DCAF12L1: variants seen among roughly 807,000 people sequenced by gnomAD.
The protein encoded by DCAF12L1 is DDB1- and CUL4-associated factor 12-like protein 1.
For synonymous variants in DCAF12L1, 218 were observed against 196.4 expected, an observed-to-expected ratio of 1.11 and a Z score of -0.92; for missense variants, 251 against 409.2, an observed-to-expected ratio of 0.61 and a Z score of 3.34.
Position 126,551,054 on chromosome X carries a change from G to A in DCAF12L1, c.*76C>T, listed in dbSNP as rs1257886131. The A allele has an allele frequency of 1.8e-6, 1 of 564,495 alleles. No individual in the cohort carries two copies. Among genetic ancestry groups the A allele is most frequent in the Non-Finnish European group, 2.6e-6 (1 of 380,574 alleles). 46.5% of individuals were successfully genotyped at this position (564,495 alleles called of 1,213,427 possible). ...AAAGCCAAGTTTTCATTGACCAAAG[G>A]ACCACTCACTCTCTCTGCTTGGAGG... is the stretch of plus-strand genomic sequence containing the variant. On this transcript the variant is annotated 3_prime_UTR_variant, in exon 2 of 2. Coordinates refer to ENST00000371126, the MANE Select transcript of DCAF12L1 (RefSeq NM_178470.5).
chrX:126,551,184 AATCTGTGTACCTG>A lies in DCAF12L1; in HGVS notation c.*20_*22+10del. 8.5e-7 allele frequency: 1 copy of A among 1,171,334 alleles called. No homozygotes were observed. The highest frequency in any genetic ancestry group is 1.1e-6 in the Non-Finnish European group (1 of 876,922). ...GGCAGTCGGGCGGAACTGAAAGGTA[AATCTGTGTACCTG>A]GAGTACAAGGCGGTCATCCTTAGCT... On this transcript the variant is annotated splice_donor_variant and splice_donor_5th_base_variant and 3_prime_UTR_variant and intron_variant, in exon 1 of 2. Transcript: ENST00000371126. LOFTEE classifies it low-confidence loss of function (3UTR_SPLICE).
At position 126,552,102 on chromosome X, in the gene DCAF12L1, T is replaced by C. The variant is rs780327912; in HGVS notation, c.507A>G (p.Glu169=). ...GGTAGATGGCCAGGCTGTTGGGGTT[T>C]TCGCCGCCGGTGGCCAGAAGCGTCT... ...PSKTLLATGG[E]NPNSLAIYQL... The change falls in exon 1 of 2, where the codon GAA becomes GAG. Residue 169 remains glutamate (E), a synonymous_variant. Transcript: ENST00000371126. 8.2e-7 allele frequency: 1 copy of C among 1,212,237 alleles called. No individual in the cohort carries two copies. The highest frequency in any genetic ancestry group is 3.0e-5 in the East Asian group (1 of 33,829).
In DCAF12L1 at chrX:126,551,128, A is replaced by G. The variant is rs1602583541; in HGVS notation, c.*23-21T>C. 2.8e-6 allele frequency: 3 copies of G among 1,083,525 alleles called. No homozygotes were observed. The East Asian group carries it at 9.2e-5, about 33-fold the overall frequency. The allele number at this position is 1,083,525 out of a possible 1,213,427, so 89.3% of individuals were successfully genotyped here. A position where few individuals can be genotyped will look rare whatever the true frequency, so the allele number is the denominator to read the frequency against. On this transcript the variant is annotated intron_variant, in intron 1 of 1. Coordinates refer to ENST00000371126, the MANE Select transcript of DCAF12L1 (RefSeq NM_178470.5). ...TCCACCTGGAAAACAAAAGACGCAC[A>G]GAGTTAAAAGCAAAAAAATGCAGCA...
Position 126,551,127 on chromosome X carries a change from C to T in DCAF12L1, c.*23-20G>A, listed in dbSNP as rs1398114224. ...TTCCACCTGGAAAACAAAAGACGCA[C>T]AGAGTTAAAAGCAAAAAAATGCAGC... On this transcript the variant is annotated intron_variant, in intron 1 of 1. Transcript: ENST00000371126. 9.2e-7 allele frequency: 1 copy of T among 1,082,508 alleles called. No homozygotes were observed. Among genetic ancestry groups the T allele is most frequent in the African/African-American group, 1.9e-5 (1 of 53,020 alleles). 89.2% of individuals were successfully genotyped at this position (1,082,508 alleles called of 1,213,427 possible).
At position 126,552,510 on chromosome X, in the gene DCAF12L1, A is replaced by G; in HGVS notation, c.99T>C (p.Gly33=). The G allele has an allele frequency of 8.3e-7, 1 of 1,207,831 alleles. No individual in the cohort carries two copies. Among genetic ancestry groups the G allele is most frequent in the Non-Finnish European group, 1.1e-6 (1 of 894,772 alleles). Residue 33 remains glycine, a synonymous_variant, in exon 1 of 2, where the codon GGT becomes GGC. Transcript: ENST00000371126. ...SPSQGLAAAD[G]EGPLLLKRQR... ...GCCTCTTGAGTAGCAGCGGCCCCTC[A>G]CCGTCCGCTGCCGCCAAGCCCTGCG...
Position 126,551,795 on chromosome X carries a change from C to T in DCAF12L1, c.814G>A (p.Gly272Ser), listed in dbSNP as rs1271034504. Residue 272 changes from glycine to serine, a missense_variant, in exon 1 of 2, where the codon GGC (glycine) becomes AGC (serine). Gly to Ser is a moderately conservative substitution (Grantham distance 56). Coordinates refer to ENST00000371126, the MANE Select transcript of DCAF12L1 (RefSeq NM_178470.5). ...ACCGCTCCCAGTTCCTGGTTCTTGC[C>T]GCCGCAGGCCAGGGCCCGCACCTTG... ...NRKVRALACG[G>S]KNQELGAVSL... 2.5e-6 allele frequency: 3 copies of T among 1,212,032 alleles called. No individual in the cohort carries two copies. The highest frequency in any genetic ancestry group is 3.3e-6 in the Non-Finnish European group (3 of 895,528).
rs989447886 is a variant in DCAF12L1 at position 126,549,790 on chromosome X, A to C, written c.*1340T>G. The C allele has an allele frequency of 1.8e-5, 2 of 112,178 alleles. No individual in the cohort carries two copies. The highest frequency in any genetic ancestry group is 9.5e-5 in the Admixed American group (1 of 10,563). 9.2% of individuals were successfully genotyped at this position (112,178 alleles called of 1,213,427 possible). On this transcript the variant is annotated 3_prime_UTR_variant, in exon 2 of 2. Coordinates refer to ENST00000371126, the MANE Select transcript of DCAF12L1 (RefSeq NM_178470.5). ...CATCTAAGGGAAAACAGACATAACA[A>C]ATTACTAATCCTGGGTCAGCACAGC...
Position 126,551,247 on chromosome X carries a change from G to C in DCAF12L1, c.1362C>G (p.Leu454=). The change falls in exon 1 of 2, where the codon CTC becomes CTG. Residue 454 remains leucine (L), a synonymous_variant. Coordinates refer to ENST00000371126, the MANE Select transcript of DCAF12L1 (RefSeq NM_178470.5). ...FVAGGPLPAG[L]HGNYAGLWS ...TCCAGAGGCCTGCATAGTTCCCATG[G>C]AGGCCTGCAGGGAGAGGCCCCCCAG... is the stretch of plus-strand genomic sequence containing the variant. 4.1e-6 allele frequency: 5 copies of C among 1,210,826 alleles called. No individual in the cohort carries two copies. The highest frequency in any genetic ancestry group is 5.6e-6 in the Non-Finnish European group (5 of 895,130).
chrX:126,549,445 G>A lies in DCAF12L1; in HGVS notation c.*1685C>T, dbSNP rs1162131281. On this transcript the variant is annotated 3_prime_UTR_variant, in exon 2 of 2. Coordinates refer to ENST00000371126, the MANE Select transcript of DCAF12L1 (RefSeq NM_178470.5). ...AAACTTTAAACTCTAGGTCTCCAGA[G>A]GCATTCAACCAGTACATATTTACTT... The A allele has an allele frequency of 9.0e-6, 1 of 111,539 alleles. No homozygotes were observed. Among genetic ancestry groups the A allele is most frequent in the Non-Finnish European group, 1.9e-5 (1 of 53,097 alleles). 9.2% of individuals were successfully genotyped at this position (111,539 alleles called of 1,213,427 possible). A position where few individuals can be genotyped will look rare whatever the true frequency, so the allele number is the denominator to read the frequency against.
In DCAF12L1 at chrX:126,549,835, A is replaced by G. The variant is rs1349825065; in HGVS notation, c.*1295T>C. On this transcript the variant is annotated 3_prime_UTR_variant, in exon 2 of 2. Coordinates refer to ENST00000371126, the MANE Select transcript of DCAF12L1 (RefSeq NM_178470.5). ...CACAGCCTGGCCAGTTTTAGAAATG[A>G]CAAATATTGCTTCTCACTTCCAGTA... 1.8e-5 allele frequency: 2 copies of G among 112,316 alleles called. No individual in the cohort carries two copies. Among genetic ancestry groups the G allele is most frequent in the Non-Finnish European group, 3.8e-5 (2 of 53,269 alleles). The allele number at this position is 112,316 out of a possible 1,213,427, so 9.3% of individuals were successfully genotyped here.
chrX:126,552,748 G>A lies in DCAF12L1; in HGVS notation c.-140C>T. On this transcript the variant is annotated 5_prime_UTR_variant, in exon 1 of 2. Coordinates refer to ENST00000371126, the MANE Select transcript of DCAF12L1 (RefSeq NM_178470.5). ...TCTGAGGCGCGGCAGTGGCGGACCG[G>A]GTGAGGGACGCGCGGGAGAGGGCGG... The A allele has an allele frequency of 1.0e-6, 1 of 981,987 alleles. No homozygotes were observed. Among genetic ancestry groups the A allele is most frequent in the South Asian group, 2.5e-5 (1 of 40,797 alleles). The allele number at this position is 981,987 out of a possible 1,213,427, so 80.9% of individuals were successfully genotyped here.
Position 126,551,165 on chromosome X carries a change from C to T in DCAF12L1, c.*22+30G>A, listed in dbSNP as rs1169310746. 11 of 1,148,655 alleles carry T rather than the reference C, an allele frequency of 9.6e-6. No homozygotes were observed. In the East Asian group the frequency reaches 3.0e-4, roughly 31 times the overall value. 94.7% of individuals were successfully genotyped at this position (1,148,655 alleles called of 1,213,427 possible). A position where few individuals can be genotyped will look rare whatever the true frequency, so the allele number is the denominator to read the frequency against. ...AAAAAAATGCAGCATGAAGGGCAGT[C>T]GGGCGGAACTGAAAGGTAAATCTGT... On this transcript the variant is annotated intron_variant, in intron 1 of 1. Transcript: ENST00000371126.
Position 126,551,356 on chromosome X carries a change from A to G in DCAF12L1, c.1253T>C (p.Val418Ala), listed in dbSNP as rs746903022. 8.3e-7 allele frequency: 1 copy of G among 1,211,259 alleles called. No individual in the cohort carries two copies. Among genetic ancestry groups the G allele is most frequent in the Admixed American group, 2.2e-5 (1 of 45,996 alleles). The part of the protein sequence containing the change: ...RGWLNHNDFW[V>A]NYFGGMEVFP... ...CACTTCCATGCCACCAAAGTAATTC[A>G]CCCAGAAATCATTGTGGTTGAGCCA... The change falls in exon 1 of 2, where the codon GTG (valine) becomes GCG (alanine). Residue 418 changes from valine to alanine, a missense_variant. Coordinates refer to ENST00000371126, the MANE Select transcript of DCAF12L1 (RefSeq NM_178470.5).
chrX:126,552,759 C>A lies in DCAF12L1; in HGVS notation c.-151G>T. 5.3e-6 allele frequency: 5 copies of A among 938,855 alleles called. No individual in the cohort carries two copies. Among genetic ancestry groups the A allele is most frequent in the Non-Finnish European group, 7.1e-6 (5 of 708,776 alleles). 77.4% of individuals were successfully genotyped at this position (938,855 alleles called of 1,213,427 possible). On this transcript the variant is annotated 5_prime_UTR_variant, in exon 1 of 2. Coordinates refer to ENST00000371126, the MANE Select transcript of DCAF12L1 (RefSeq NM_178470.5). ...GCAGTGGCGGACCGGGTGAGGGACG[C>A]GCGGGAGAGGGCGGCGGTGGCGGTG... is the stretch of plus-strand genomic sequence containing the variant.
Position 126,552,626 on chromosome X carries a change from C to T in DCAF12L1, c.-18G>A. 1 of 1,200,843 alleles carries T rather than the reference C, an allele frequency of 8.3e-7. No individual in the cohort carries two copies. Among genetic ancestry groups the T allele is most frequent in the Non-Finnish European group, 1.1e-6 (1 of 893,521 alleles). ...TGGGCCATGGTGGGCGGCGGGCGAG[C>T]GGCGGCGGCAAGGCGTTGGTGGCGG... is the stretch of plus-strand genomic sequence containing the variant. On this transcript the variant is annotated 5_prime_UTR_variant, in exon 1 of 2. Transcript: ENST00000371126.
Position 126,552,012 on chromosome X carries a change from G to T in DCAF12L1, c.597C>A (p.Ala199=), listed in dbSNP as rs369328900. Reference sequence around the variant, plus strand: ...CTACGGTGTCACTCAGCCAGGCGACGGCGAAGATCCAGTCCTTGTGGCCAT... The same window carrying T: ...CTACGGTGTCACTCAGCCAGGCGACTGCGAAGATCCAGTCCTTGTGGCCAT... The part of the protein sequence containing the change: ...DRHGHKDWIF[A]VAWLSDTVAV... Residue 199 remains alanine (A), a synonymous_variant, in exon 1 of 2, where the codon GCC becomes GCA. Transcript: ENST00000371126. 200 of 1,211,582 alleles carry T rather than the reference G, an allele frequency of 1.7e-4. No individual in the cohort carries two copies. The highest frequency in any genetic ancestry group is 1.6e-4 in the Non-Finnish European group (144 of 895,529).
chrX:126,552,766 G>T lies in DCAF12L1; in HGVS notation c.-158C>A. 1.1e-6 allele frequency: 1 copy of T among 905,029 alleles called. No homozygotes were observed. The highest frequency in any genetic ancestry group is 1.5e-6 in the Non-Finnish European group (1 of 679,199). The allele number at this position is 905,029 out of a possible 1,213,427, so 74.6% of individuals were successfully genotyped here. ...CGGACCGGGTGAGGGACGCGCGGGA[G>T]AGGGCGGCGGTGGCGGTGCAGACCT... On this transcript the variant is annotated 5_prime_UTR_variant, in exon 1 of 2. Coordinates refer to ENST00000371126, the MANE Select transcript of DCAF12L1 (RefSeq NM_178470.5).
At position 126,552,493 on chromosome X, in the gene DCAF12L1, A is replaced by T. The variant is rs1485528849; in HGVS notation, c.116T>A (p.Leu39His). The T allele has an allele frequency of 8.3e-7, 1 of 1,209,940 alleles. No individual in the cohort carries two copies. Among genetic ancestry groups the T allele is most frequent in the Non-Finnish European group, 1.1e-6 (1 of 895,237 alleles). ...AAADGEGPLL[L>H]KRQRRPATYR... ...CGTCGCCGGCCGCCTCTGCCTCTTG[A>T]GTAGCAGCGGCCCCTCACCGTCCGC... The change falls in exon 1 of 2, where the codon CTC becomes CAC. Residue 39 changes from leucine to histidine, a missense_variant. By Grantham distance (99) the Leu-to-His change is moderately conservative. Transcript: ENST00000371126.
At position 126,552,207 on chromosome X, in the gene DCAF12L1, G is replaced by A. The variant is rs780664644; in HGVS notation, c.402C>T (p.Pro134=). Residue 134 remains proline, a synonymous_variant, in exon 1 of 2, where the codon CCC becomes CCT. Transcript: ENST00000371126. ...DVESGHIARI[P]LLRDSEARLA... is the part of the protein sequence containing the mutation. ...GCCTGGCCTCACTGTCCCGCAAGAGGGGAATGCGCGCGATGTGGCCTGACT... is the reference window on the plus strand; with the variant it reads ...GCCTGGCCTCACTGTCCCGCAAGAGAGGAATGCGCGCGATGTGGCCTGACT... The A allele has an allele frequency of 1.7e-5, 21 of 1,211,639 alleles. No homozygotes were observed. The highest frequency in any genetic ancestry group is 2.1e-5 in the Non-Finnish European group (19 of 895,524).
Sources: gnomAD v4.1 joint callset for allele counts on GRCh38, gnomAD v4.1.1 for gene constraint, MANE v1.5 for transcripts, NCBI Gene and HGNC (gene_info 2026-07-23, HGNC 2026-07-21) for gene names.